Variants in RBFOX1 observed in about 807,000 individuals in gnomAD.
RBFOX1 encodes the protein RNA binding protein fox-1 homolog 1.
In RBFOX1, 8 loss-of-function variants were observed where a neutral mutation model predicts 57.7. The ratio of observed to expected loss-of-function variants is 0.14; its 90% CI spans 0.08 to 0.25. The LOEUF (loss-of-function observed/expected upper bound fraction) is 0.25, where lower values mean the gene tolerates loss of function less well. RBFOX1 is among the 10% of genes least tolerant of loss of function. The pLI, the probability that RBFOX1 is intolerant of heterozygous loss-of-function variation, is 1.00. For missense variants in RBFOX1, 611 were observed against 548.5 expected, an observed-to-expected ratio of 1.11 and a Z score of -1.14; for synonymous variants, 326 against 222.4, an observed-to-expected ratio of 1.47 and a Z score of -4.15.
chr16:5,423,502 A>G (rs778568439), intron 1 of RBFOX1, among the ~76,000 whole-genome samples: 6 of 152,078 alleles, frequency 3.9e-5, no homozygotes, highest in Non-Finnish European at 5.9e-5. Context: ...AGCTTCCGCC[A>G]CCACCTGTCT....
chr16:5,413,325 A>G (rs1260572373), intron 1 of RBFOX1, among the ~76,000 whole-genome samples: 1 of 152,162 alleles, frequency 6.6e-6, no homozygotes, highest in Non-Finnish European at 1.5e-5. Flanking sequence ...TTCGTTTCCC[A>G]GAAAGGGCTT....
intron 3 of RBFOX1, among the ~76,000 whole-genome samples, chr16:6,975,521 C>T (rs913418403): frequency 2.0e-4 from 31 of 152,092 alleles, no homozygotes; most frequent in African/African-American, 7.0e-4. Flanking sequence ...CCTACCTTGG[C>T]CTCCCAAAGT....
intron 4 of RBFOX1, among the ~76,000 whole-genome samples, chr16:7,130,274 A>T (rs1289667028): frequency 6.6e-6 from 1 of 152,060 alleles, no homozygotes; most frequent in Non-Finnish European, 1.5e-5. Flanking sequence ...ACCTCAGGTG[A>T]TCTACCCACA....
intron 4 of RBFOX1, among the ~76,000 whole-genome samples, chr16:7,094,353 C>T (rs576213113): frequency 6.6e-6 from 1 of 151,964 alleles, no homozygotes; most frequent in South Asian, 2.1e-4. Context: ...GTAGAGAGAG[C>T]TTTGCCCATT....
chr16:6,927,753 C>A (rs1187430033), intron 3 of RBFOX1, among the ~76,000 whole-genome samples: 1 of 152,006 alleles, frequency 6.6e-6, no homozygotes, highest in Non-Finnish European at 1.5e-5. Context: ...GGCCTGGAAC[C>A]TAAAATCTCC....
chr16:7,210,263 C>A (rs1191080800), intron 4 of RBFOX1, among the ~76,000 whole-genome samples: 1 of 152,150 alleles, frequency 6.6e-6, no homozygotes. Context: ...GATTGCGAGG[C>A]TGACTAAGCA....
chr16:7,660,986 G>T (rs564416945), intron 12 of RBFOX1, among the ~76,000 whole-genome samples: 1 of 152,254 alleles, frequency 6.6e-6, no homozygotes, highest in East Asian at 1.9e-4. Flanking sequence ...ATCTCATGGG[G>T]GTATTCTAAG....
chr16:6,746,971 C>T (rs1284253308), intron 3 of RBFOX1, among the ~76,000 whole-genome samples: 1 of 152,108 alleles, frequency 6.6e-6, no homozygotes, highest in African/African-American at 2.4e-5. Context: ...CTCATCTCTC[C>T]TGTGGAGCTA....
intron 2 of RBFOX1, among the ~76,000 whole-genome samples, chr16:6,430,430 T>G (rs1409343084): frequency 6.6e-6 from 1 of 152,130 alleles, no homozygotes; most frequent in East Asian, 1.9e-4. Flanking sequence ...GGATTCTTCA[T>G]GGAAAAGATG....
intron 4 of RBFOX1, among the ~76,000 whole-genome samples, chr16:5,926,171 A>G (rs1315370244): frequency 6.6e-6 from 1 of 152,234 alleles, no homozygotes; most frequent in South Asian, 2.1e-4. Flanking sequence ...AGAATGATGC[A>G]TTCCTTTTAA....
intron 4 of RBFOX1, among the ~76,000 whole-genome samples, chr16:7,454,791 T>C (rs147537308): frequency 1.9e-4 from 29 of 152,338 alleles, no homozygotes; most frequent in Non-Finnish European, 3.8e-4. Flanking sequence ...CTTTCCCTTT[T>C]GAGATTCCTC....
Position 6,404,003 on chromosome 16 carries a change from A to G in RBFOX1, c.-64+86946A>G, listed in dbSNP as rs1167634319. On this transcript the variant is annotated intron_variant, in intron 2 of 15. Transcript: ENST00000550418. ...CCAACCATGCTGGCACTCCAATATC[A>G]AACTTCCAGCCTCCAGAAATCTGAG... is the stretch of plus-strand genomic sequence containing the variant. 2.6e-5 allele frequency among the ~76,000 whole-genome samples: 4 copies of G among 152,094 alleles called. 1 individual carries two copies. Among genetic ancestry groups the G allele is most frequent in the Non-Finnish European group, 4.4e-5 (3 of 68,022 alleles).
intron 4 of RBFOX1, among the ~76,000 whole-genome samples, chr16:7,429,212 C>A (rs763027890): frequency 6.6e-6 from 1 of 152,178 alleles, no homozygotes; most frequent in East Asian, 1.9e-4. Flanking sequence ...TGGACAGAGG[C>A]ACAGCAACAT....
intron 3 of RBFOX1, among the ~76,000 whole-genome samples, chr16:5,760,281 G>A (rs2053546993): frequency 6.6e-6 from 1 of 151,802 alleles, no homozygotes; most frequent in Admixed American, 6.6e-5. Context: ...GGGGTAAATT[G>A]GTAAACAAGA....
chr16:6,140,954 G>A (rs1357104822), intron 1 of RBFOX1, among the ~76,000 whole-genome samples: 2 of 152,126 alleles, frequency 1.3e-5, no homozygotes, highest in African/African-American at 2.4e-5. Context: ...GTCTCAGCTC[G>A]TATTCTCCCC....
intron 4 of RBFOX1, among the ~76,000 whole-genome samples, chr16:7,217,996 A>C (rs542161328): frequency 1.3e-5 from 2 of 150,590 alleles, no homozygotes; most frequent in East Asian, 3.9e-4. Context: ...GCATGTGTGC[A>C]CGTGCATGTG....
chr16:5,433,983 C>T (rs1037950720), intron 1 of RBFOX1, among the ~76,000 whole-genome samples: 1 of 152,068 alleles, frequency 6.6e-6, no homozygotes, highest in Non-Finnish European at 1.5e-5. Flanking sequence ...GTTTGTTAAC[C>T]ACTCCTGGGT....
At chr16:7,382,492 T>G (rs1371050669) in intron 4 of RBFOX1, among the ~76,000 whole-genome samples, 1 of 152,216 alleles carries the variant, frequency 6.6e-6, no homozygotes, top group African/African-American at 2.4e-5. Flanking sequence ...TAGCGCTTAT[T>G]AAATACTGAC....
At chr16:7,213,200 G>A (rs188519977) in intron 4 of RBFOX1, among the ~76,000 whole-genome samples, 8 of 152,222 alleles carry the variant, frequency 5.3e-5, no homozygotes, top group East Asian at 1.9e-4. Context: ...CAGATTACAC[G>A]GAACAATATC....
Sources: allele counts gnomAD v4.1 joint callset (sites outside exome capture counted in the v4.1 genomes callset), GRCh38; gene constraint gnomAD v4.1.1; transcripts MANE v1.5; gene names NCBI Gene and HGNC (gene_info 2026-07-23, HGNC 2026-07-21).